The following CYP7B1 variants were observed in gnomAD, a reference collection of about 807,000 sequenced individuals.
CYP7B1 encodes cytochrome P450 7B1.
CYP7B1 carries 29 observed loss-of-function variants against 42.7 expected under a neutral mutation model. That is an observed-to-expected ratio of 0.68 (90% CI 0.51 to 0.93). The LOEUF is 0.93. Ranked by LOEUF, CYP7B1 falls within the 40% of genes least tolerant of loss-of-function variation. CYP7B1 has a pLI of 0.00. For missense variants in CYP7B1, 655 were observed against 600.5 expected (o/e 1.09, Z -0.95); for synonymous variants, 235 against 218.2 (o/e 1.08, Z -0.68).
chr8:64,636,668 C>G (rs145077575), intron 1 of CYP7B1, among the ~76,000 whole-genome samples: 42 of 152,216 alleles, frequency 2.8e-4, no homozygotes, highest in African/African-American at 9.4e-4. Flanking sequence ...GATGAGGCAC[C>G]AGAATAACCT....
chr8:64,647,150 A>G (rs969595729), intron 1 of CYP7B1, among the ~76,000 whole-genome samples: 2 of 152,094 alleles, frequency 1.3e-5, no homozygotes, highest in African/African-American at 4.8e-5. Flanking sequence ...GAGAGAGAAA[A>G]AGATGGGGGA....
chr8:64,652,971 A>G (rs1223397250), intron 1 of CYP7B1, among the ~76,000 whole-genome samples: 1 of 152,244 alleles, frequency 6.6e-6, no homozygotes, highest in Non-Finnish European at 1.5e-5. Context: ...GATACAACAT[A>G]CCAAAATCTC....
intron 1 of CYP7B1, among the ~76,000 whole-genome samples, chr8:64,735,495 A>C (rs1049091817): frequency 6.6e-6 from 1 of 152,172 alleles, no homozygotes; most frequent in African/African-American, 2.4e-5. Flanking sequence ...TTTCCTGGTC[A>C]CCTTTCCATA....
At chr8:64,597,252 G>C (rs2129629767) in intron 5 of CYP7B1, among the ~76,000 whole-genome samples, 1 of 152,186 alleles carries the variant, frequency 6.6e-6, no homozygotes, top group South Asian at 2.1e-4. Flanking sequence ...CTGACATATG[G>C]GCACTTGATT....
intron 1 of CYP7B1, among the ~76,000 whole-genome samples, chr8:64,689,255 ATT>A (rs1806702492): frequency 6.6e-6 from 1 of 152,354 alleles, no homozygotes; most frequent in South Asian, 2.1e-4. Flanking sequence ...TATAATTTCA[ATT>A]TTATTTCTGG....
At chr8:64,672,609 G>A (rs976908838) in intron 1 of CYP7B1, among the ~76,000 whole-genome samples, 2 of 152,004 alleles carry the variant, frequency 1.3e-5, no homozygotes, top group Non-Finnish European at 2.9e-5. Flanking sequence ...AGAAAAAGTT[G>A]GCATTCTTCT....
At position 64,798,590 on chromosome 8, in the gene CYP7B1, G is replaced by GGC. The variant is rs1469646270; in HGVS notation, c.-5_-4dup. 2 of 1,463,372 alleles carry GGC rather than the reference G, an allele frequency of 1.4e-6. No homozygotes were observed. Among genetic ancestry groups the GGC allele is most frequent in the Non-Finnish European group, 1.8e-6 (2 of 1,117,388 alleles). The allele number at this position is 1,463,372 out of a possible 1,614,324, so 90.6% of individuals were successfully genotyped here. On this transcript the variant is annotated 5_prime_UTR_variant, in exon 1 of 6. Transcript: ENST00000310193. ...GCCGCGGACACTTCTCCTGCCATCC[G>GGC]GCGCGCGCTAGGCCGCGGTGGGCAG... is the stretch of plus-strand genomic sequence containing the variant.
intron 2 of CYP7B1, among the ~76,000 whole-genome samples, chr8:64,617,111 C>T (rs1385741893): frequency 1.3e-5 from 2 of 152,132 alleles, no homozygotes; most frequent in Non-Finnish European, 2.9e-5. Flanking sequence ...CTTCAGTCAG[C>T]CTGGAGTTAT....
At chr8:64,765,408 A>G (rs2129633831) in intron 1 of CYP7B1, among the ~76,000 whole-genome samples, 1 of 152,324 alleles carries the variant, frequency 6.6e-6, no homozygotes. Flanking sequence ...GAATTTGCAT[A>G]AGAACTGTTG....
intron 1 of CYP7B1, among the ~76,000 whole-genome samples, chr8:64,738,859 G>A (rs1315208673): frequency 6.6e-6 from 1 of 152,104 alleles, no homozygotes; most frequent in African/African-American, 2.4e-5. Context: ...ACACTTAAAT[G>A]GTAATTTTGA....
At chr8:64,692,019 G>T (rs1181757430) in intron 1 of CYP7B1, among the ~76,000 whole-genome samples, 1 of 152,150 alleles carries the variant, frequency 6.6e-6, no homozygotes, top group Non-Finnish European at 1.5e-5. Context: ...AATGTCCTCT[G>T]TGGCCAAAAC....
downstream of CYP7B1, among the ~76,000 whole-genome samples, chr8:64,590,316 C>G (rs942479187): frequency 2.6e-5 from 4 of 152,146 alleles, no homozygotes; most frequent in African/African-American, 9.7e-5. Flanking sequence ...AAATACTGTA[C>G]GTAGGGTTAC....
intron 1 of CYP7B1, among the ~76,000 whole-genome samples, chr8:64,643,120 CATATATACAT>C (rs1805886056): frequency 3.1e-5 from 1 of 32,208 alleles, no homozygotes; most frequent in Admixed American, 3.0e-4. Context: ...CATATATATA[CATATATACAT>C]ATATATACAT....
intron 1 of CYP7B1, among the ~76,000 whole-genome samples, chr8:64,747,134 T>C (rs1807654939): frequency 6.7e-6 from 1 of 148,868 alleles, no homozygotes; most frequent in Non-Finnish European, 1.5e-5. Context: ...AGATCTATAC[T>C]TACATATAAG....
chr8:64,717,670 T>A (rs1375771062), intron 1 of CYP7B1, among the ~76,000 whole-genome samples: 1 of 151,914 alleles, frequency 6.6e-6, no homozygotes, highest in East Asian at 1.9e-4. Context: ...CTCAGCAACA[T>A]GGCGTAACTC....
intron 4 of CYP7B1, among the ~76,000 whole-genome samples, chr8:64,606,350 C>T (rs1163803212): frequency 6.6e-6 from 1 of 152,230 alleles, no homozygotes; most frequent in East Asian, 1.9e-4. Flanking sequence ...CAAGGCTCGG[C>T]CTCCCATGTA....
At chr8:64,628,413 C>G (rs1026091376) in intron 1 of CYP7B1, among the ~76,000 whole-genome samples, 2 of 152,084 alleles carry the variant, frequency 1.3e-5, no homozygotes, top group Non-Finnish European at 2.9e-5. Context: ...CTTTGGGAGG[C>G]TGAGGGCAGG....
At chr8:64,707,074 T>A (rs1455284449) in intron 1 of CYP7B1, among the ~76,000 whole-genome samples, 1 of 152,036 alleles carries the variant, frequency 6.6e-6, no homozygotes, top group Non-Finnish European at 1.5e-5. Flanking sequence ...GAATTTATAC[T>A]CCAACAACTC....
chr8:64,763,636 G>T (rs188204692), intron 1 of CYP7B1, among the ~76,000 whole-genome samples: 63 of 152,342 alleles, frequency 4.1e-4, no homozygotes, highest in African/African-American at 1.2e-3. Context: ...GCTGTCTGGG[G>T]AAGGGCTTTC....
Sources: gnomAD v4.1 joint callset for allele counts (sites outside exome capture counted in the v4.1 genomes callset) on GRCh38, gnomAD v4.1.1 for gene constraint, MANE v1.5 for transcripts, NCBI Gene and HGNC (gene_info 2026-07-23, HGNC 2026-07-21) for gene names.